The following ZNF804A variants were observed in gnomAD, a reference collection of about 807,000 sequenced individuals.
ZNF804A encodes zinc finger protein 804A.
In ZNF804A, 2 loss-of-function variants were observed where a neutral mutation model predicts 16.5. The observed-to-expected ratio is 0.12, with a 90% CI of 0.05 to 0.38. The LOEUF (loss-of-function observed/expected upper bound fraction) is 0.38. ZNF804A is among the 10% of genes least tolerant of loss of function. The pLI, the probability that ZNF804A is intolerant of heterozygous loss-of-function variation, is 0.99. For missense variants in ZNF804A, 1,473 were observed against 1,390.7 expected, an observed-to-expected ratio of 1.06 and a Z score of -0.94; for synonymous variants, 534 against 489.6, an observed-to-expected ratio of 1.09 and a Z score of -1.20.
intron 1 of ZNF804A, among the ~76,000 whole-genome samples, chr2:184,812,464 TTTTTCCCCTC>T (rs1189148194): frequency 2.6e-5 from 4 of 152,150 alleles, no homozygotes; most frequent in Non-Finnish European, 4.4e-5. Flanking sequence ...GAACTTTTTA[TTTTTCCCCTC>T]TTCTCTGACA....
chr2:184,836,582 G>A (rs1405964038), intron 1 of ZNF804A, among the ~76,000 whole-genome samples: 1 of 151,830 alleles, frequency 6.6e-6, no homozygotes, highest in African/African-American at 2.4e-5. Flanking sequence ...TCATAGAATT[G>A]TGTTCTTAAA....
At chr2:184,636,827 G>T (rs1425300540) in intron 1 of ZNF804A, among the ~76,000 whole-genome samples, 1 of 152,046 alleles carries the variant, frequency 6.6e-6, no homozygotes, top group Non-Finnish European at 1.5e-5. Context: ...TTGGATCAAT[G>T]TATAATGAAA....
intron 1 of ZNF804A, among the ~76,000 whole-genome samples, chr2:184,812,563 C>G (rs1694918963): frequency 6.6e-6 from 1 of 152,024 alleles, no homozygotes; most frequent in African/African-American, 2.4e-5. Flanking sequence ...TATGAAAGTA[C>G]ATAGGCAGTG....
At chr2:184,713,883 T>C (rs1457714138) in intron 1 of ZNF804A, among the ~76,000 whole-genome samples, 1 of 152,022 alleles carries the variant, frequency 6.6e-6, no homozygotes, top group African/African-American at 2.4e-5. Flanking sequence ...ATTAAATTCA[T>C]ATTTGGTTTG....
At chr2:184,695,808 C>G (rs540945616) in intron 1 of ZNF804A, among the ~76,000 whole-genome samples, 260 of 152,174 alleles carry the variant, frequency 1.7e-3, no homozygotes, top group Non-Finnish European at 3.0e-3. Context: ...TCATTTCTTT[C>G]TCTTTTAGGA....
chr2:184,682,838 C>A (rs1459457937), intron 1 of ZNF804A, among the ~76,000 whole-genome samples: 1 of 152,044 alleles, frequency 6.6e-6, no homozygotes, highest in East Asian at 1.9e-4. Context: ...AAAACCAGAT[C>A]TCTACAAAAA....
chr2:184,777,353 A>G (rs1694304384), intron 1 of ZNF804A, among the ~76,000 whole-genome samples: 1 of 151,654 alleles, frequency 6.6e-6, no homozygotes, highest in Admixed American at 6.6e-5. Context: ...ACGTGTTTCT[A>G]AACCTCAGAA....
intron 2 of ZNF804A, among the ~76,000 whole-genome samples, chr2:184,926,488 T>C (rs1353695826): frequency 6.6e-6 from 1 of 152,120 alleles, no homozygotes; most frequent in Non-Finnish European, 1.5e-5. Context: ...TAGTCTTCTT[T>C]AGGTTAAATC....
chr2:184,893,278 G>A (rs1301312723), intron 2 of ZNF804A, among the ~76,000 whole-genome samples: 1 of 152,100 alleles, frequency 6.6e-6, no homozygotes, highest in Admixed American at 6.6e-5. Context: ...ACTTGATTTA[G>A]TATGAGTCCT....
chr2:184,605,381 T>G (rs1463376189), intron 1 of ZNF804A, among the ~76,000 whole-genome samples: 2 of 152,192 alleles, frequency 1.3e-5, no homozygotes, highest in Non-Finnish European at 2.9e-5. Flanking sequence ...CCATTTGATC[T>G]GTTTTATCTC....
At position 184,772,073 on chromosome 2, in the gene ZNF804A, G is replaced by A. The variant is rs995445091; in HGVS notation, c.112-94296G>A. On this transcript the variant is annotated intron_variant, in intron 1 of 3. Transcript: ENST00000302277. ...AGAATCTGTCCATTATAATGTTAAT[G>A]TTCTATTTCTTGATATTTTATTTTC... is the stretch of plus-strand genomic sequence containing the variant. 1.3e-5 allele frequency among the ~76,000 whole-genome samples: 2 copies of A among 151,870 alleles called. 1 individual carries two copies. The highest frequency in any genetic ancestry group is 4.8e-5 in the African/African-American group (2 of 41,342).
intron 1 of ZNF804A, among the ~76,000 whole-genome samples, chr2:184,792,938 C>T (rs938964224): frequency 1.3e-5 from 2 of 152,056 alleles, no homozygotes; most frequent in South Asian, 2.1e-4. Flanking sequence ...CCCACCACCC[C>T]CTAGCAGTCC....
At chr2:184,606,852 C>A (rs1036976534) in intron 1 of ZNF804A, among the ~76,000 whole-genome samples, 1 of 151,780 alleles carries the variant, frequency 6.6e-6, no homozygotes, top group Non-Finnish European at 1.5e-5. Flanking sequence ...CACACACACA[C>A]ACATACACAC....
intron 2 of ZNF804A, among the ~76,000 whole-genome samples, chr2:184,883,345 T>C (rs1426576349): frequency 6.6e-6 from 1 of 151,950 alleles, no homozygotes; most frequent in Non-Finnish European, 1.5e-5. Context: ...CTATGAGACA[T>C]ATAAAGAAGA....
intron 1 of ZNF804A, among the ~76,000 whole-genome samples, chr2:184,758,936 T>C (rs1374622206): frequency 1.3e-5 from 2 of 151,912 alleles, no homozygotes; most frequent in East Asian, 3.9e-4. Context: ...AAAGTAGTAT[T>C]CAATTTTCTC....
At position 184,937,685 on chromosome 2, in the gene ZNF804A, T is replaced by C. The variant is rs1685815810; in HGVS notation, c.2289T>C (p.Asn763=). ...AVKRGYNSVM[N]ESERFYRKRR... ...AAAGAGGTTACAATTCTGTCATGAATGAATCAGAAAGATTCTATCGAAAAC... is the reference window on the plus strand; with the variant it reads ...AAAGAGGTTACAATTCTGTCATGAACGAATCAGAAAGATTCTATCGAAAAC... Residue 763 remains asparagine (N), a synonymous_variant, in exon 4 of 4, where the codon AAT becomes AAC. Coordinates refer to ENST00000302277, the MANE Select transcript of ZNF804A (RefSeq NM_194250.2). 1 of 1,613,988 alleles carries C rather than the reference T, an allele frequency of 6.2e-7. No individual in the cohort carries two copies. Among genetic ancestry groups the C allele is most frequent in the African/African-American group, 1.3e-5 (1 of 74,940 alleles).
chr2:184,892,859 T>A lies in ZNF804A; in HGVS notation c.255+26347T>A, dbSNP rs116398217. ...ATGTCTCTTTATCATAAGGGTGTTT[T>A]AATTCTGCCTGGTTGTATTTATGAT... is the stretch of plus-strand genomic sequence containing the variant. On this transcript the variant is annotated intron_variant, in intron 2 of 3. Transcript: ENST00000302277. 2.7e-3 allele frequency among the ~76,000 whole-genome samples: 410 copies of A among 152,318 alleles called. 7 individuals are homozygous for A. The highest frequency in any genetic ancestry group is 9.4e-3 in the African/African-American group (390 of 41,580).
chr2:184,889,789 C>A (rs1464066869), intron 2 of ZNF804A, among the ~76,000 whole-genome samples: 2 of 151,990 alleles, frequency 1.3e-5, no homozygotes, highest in South Asian at 2.1e-4. Flanking sequence ...TAAACATACA[C>A]CAGAAATGCA....
At chr2:184,610,770 TC>T (rs1691223925) in intron 1 of ZNF804A, among the ~76,000 whole-genome samples, 1 of 152,210 alleles carries the variant, frequency 6.6e-6, no homozygotes, top group South Asian at 2.1e-4. Flanking sequence ...AGAATAGTGT[TC>T]TTGCACCCAA....
Sources: gnomAD v4.1 joint callset for allele counts (sites outside exome capture counted in the v4.1 genomes callset) on GRCh38, gnomAD v4.1.1 for gene constraint, MANE v1.5 for transcripts, NCBI Gene and HGNC (gene_info 2026-07-23, HGNC 2026-07-21) for gene names.